The following PHC2 variants were observed in gnomAD, a reference collection of about 807,000 sequenced individuals.
The protein encoded by PHC2 is polyhomeotic-like protein 2.
PHC2 carries 29 observed loss-of-function variants against 87.4 expected under a neutral mutation model. The ratio of observed to expected loss-of-function variants is 0.33; its 90% CI spans 0.25 to 0.45. PHC2 has a LOEUF of 0.45. PHC2 is among the 20% of genes least tolerant of loss of function. The pLI is 1.00. For missense variants in PHC2, 857 were observed against 1,136.7 expected, an observed-to-expected ratio of 0.75 and a Z score of 3.54; for synonymous variants, 438 against 461.7, an observed-to-expected ratio of 0.95 and a Z score of 0.66.
chr1:33,369,268 G>A lies in PHC2; in HGVS notation c.577-646C>T, dbSNP rs766854134. On this transcript the variant is annotated intron_variant, in intron 5 of 14. Transcript: ENST00000683057. The surrounding 1 kb of genome is among the most constrained non-coding windows in gnomAD (Gnocchi z 4.7). ...TTCTCTGCATGACACCTCGACCTCC[G>A]TGGGAGTCTAGCTCTGCATCAGTGT... Among the ~76,000 whole-genome samples, 4 of 152,204 alleles carry A rather than the reference G, an allele frequency of 2.6e-5. No homozygotes were observed. Among genetic ancestry groups the A allele is most frequent in the African/African-American group, 9.7e-5 (4 of 41,438 alleles).
intron 7 of PHC2, among the ~76,000 whole-genome samples, chr1:33,357,524 T>G (rs1020566097): frequency 2.0e-5 from 3 of 152,102 alleles, no homozygotes; most frequent in Non-Finnish European, 2.9e-5. Flanking sequence ...AGGGGTTTAG[T>G]ATGGATGATA....
chr1:33,373,586 A>G (rs1186114714), intron 2 of PHC2, among the ~76,000 whole-genome samples: 1 of 152,112 alleles, frequency 6.6e-6, no homozygotes, highest in Non-Finnish European at 1.5e-5. Context: ...CCAGGAACAA[A>G]GAACAGCGAG....
intron 1 of PHC2, among the ~76,000 whole-genome samples, chr1:33,385,297 C>T (rs1648684549): frequency 6.6e-6 from 1 of 152,142 alleles, no homozygotes; most frequent in African/African-American, 2.4e-5. Context: ...AATGAAACAA[C>T]ATAAATAGGA....
chr1:33,401,739 T>C (rs1472391949), intron 1 of PHC2, among the ~76,000 whole-genome samples: 1 of 152,198 alleles, frequency 6.6e-6, no homozygotes, highest in African/African-American at 2.4e-5. Flanking sequence ...ATATGACAGA[T>C]GGGTTTATCA....
intron 12 of PHC2, 21 bp from the exon 13 acceptor site, chr1:33,330,233 G>A: frequency 6.2e-7 from 1 of 1,611,158 alleles, no homozygotes; most frequent in South Asian, 1.1e-5. Context: ...AGGGGAACAG[G>A]GGATGTCACA....
At position 33,393,463 on chromosome 1, in the gene PHC2, G is replaced by GTTT. The variant is rs36030279; in HGVS notation, c.-54-17873_-54-17871dup. ...ATCACTTATAAGACCTTTTCAAGAG[G>GTTT]TTTTTTTTTTTTTTTTTTTCTTCCA... On this transcript the variant is annotated intron_variant, in intron 1 of 14. Coordinates refer to ENST00000683057, the MANE Select transcript of PHC2 (RefSeq NM_001385109.1). Among the ~76,000 whole-genome samples, 855 of 130,998 alleles carry GTTT rather than the reference G, an allele frequency of 6.5e-3. 11 individuals are homozygous for GTTT. The highest frequency in any genetic ancestry group is 0.019 in the East Asian group (83 of 4,388). The allele number at this position is 130,998 out of a possible 152,430, so 85.9% of individuals were successfully genotyped here.
intron 1 of PHC2, among the ~76,000 whole-genome samples, chr1:33,430,329 C>T (rs1033615787): frequency 6.6e-6 from 1 of 152,204 alleles, no homozygotes; most frequent in Admixed American, 6.5e-5. Context: ...CCTTGGGGCC[C>T]GCTTTTCCTT....
chr1:33,380,846 C>T (rs150311377), intron 1 of PHC2, among the ~76,000 whole-genome samples: 14 of 152,298 alleles, frequency 9.2e-5, no homozygotes, highest in African/African-American at 3.4e-4. Context: ...ATGATCTGAC[C>T]CATTTTGCCT....
rs1038606735 is a variant in PHC2 at position 33,350,111 on chromosome 1, C to T, written c.1558+4290G>A. On this transcript the variant is annotated intron_variant, in intron 9 of 14. Coordinates refer to ENST00000683057, the MANE Select transcript of PHC2 (RefSeq NM_001385109.1). ...GGGCGCCACGCCACGAGGAGGCTGCCCTGATAGCCGGTGCAAGTGCTCCTT... is the reference window on the plus strand; with the variant it reads ...GGGCGCCACGCCACGAGGAGGCTGCTCTGATAGCCGGTGCAAGTGCTCCTT... Among the ~76,000 whole-genome samples, 4 of 152,072 alleles carry T rather than the reference C, an allele frequency of 2.6e-5. No homozygotes were observed. In the East Asian group the frequency reaches 7.8e-4, roughly 30 times the overall value.
Position 33,368,644 on chromosome 1 carries a change from G to T in PHC2, c.577-22C>A. ...TGAGCTGAGGGGACAAAGGAACAGT[G>T]CCGCCTAGGCTCCTAGCTACCTGCA... On this transcript the variant is annotated intron_variant, in intron 5 of 14. Transcript: ENST00000683057. This position sits in a 1 kb window ranked among gnomAD's most constrained non-coding sequence, Gnocchi z 6.6. 1 of 1,520,098 alleles carries T rather than the reference G, an allele frequency of 6.6e-7. No individual in the cohort carries two copies. The highest frequency in any genetic ancestry group is 8.9e-7 in the Non-Finnish European group (1 of 1,118,388). 94.2% of individuals were successfully genotyped at this position (1,520,098 alleles called of 1,614,324 possible).
chr1:33,427,669 T>C (rs1333615152), intron 1 of PHC2, among the ~76,000 whole-genome samples: 2 of 152,216 alleles, frequency 1.3e-5, no homozygotes, highest in East Asian at 1.9e-4. Context: ...ACTCTTTCTG[T>C]ACAATTTCAA....
intron 9 of PHC2, among the ~76,000 whole-genome samples, chr1:33,343,588 T>C (rs967386688): frequency 1.3e-5 from 2 of 151,870 alleles, no homozygotes; most frequent in Non-Finnish European, 2.9e-5. Flanking sequence ...GTCTTACATA[T>C]AGCTGTGGTG....
chr1:33,393,492 A>C (rs1164148287), intron 1 of PHC2, among the ~76,000 whole-genome samples: 2 of 147,402 alleles, frequency 1.4e-5, no homozygotes, highest in African/African-American at 5.0e-5. Context: ...TCTTCCAACA[A>C]GTACTGAGCA....
At chr1:33,410,418 A>T (rs1280610293) in intron 1 of PHC2, among the ~76,000 whole-genome samples, 1 of 152,234 alleles carries the variant, frequency 6.6e-6, no homozygotes, top group Non-Finnish European at 1.5e-5. Context: ...GGAACAGGTC[A>T]TGCTGCTTCT....
intron 9 of PHC2, chr1:33,347,063 A>C (rs975589748): frequency 3.0e-6 from 3 of 985,424 alleles, no homozygotes; most frequent in Non-Finnish European, 3.6e-6. Flanking sequence ...CAAGGGATCC[A>C]AAGTATCTGA....
intron 1 of PHC2, among the ~76,000 whole-genome samples, chr1:33,378,073 C>T (rs1175589287): frequency 6.6e-6 from 1 of 152,190 alleles, no homozygotes; most frequent in East Asian, 1.9e-4. Context: ...TGAATTAATT[C>T]CCTTTGTCCT....
intron 1 of PHC2, among the ~76,000 whole-genome samples, chr1:33,396,107 G>A (rs1381277362): frequency 6.6e-6 from 1 of 152,202 alleles, no homozygotes; most frequent in Non-Finnish European, 1.5e-5. Flanking sequence ...AACCTCAGTA[G>A]GTGTGACAGT....
At chr1:33,346,712 G>GTT (rs1646851310) in intron 9 of PHC2, 42 of 985,212 alleles carry the variant, frequency 4.3e-5, no homozygotes, top group Admixed American at 6.2e-5. Flanking sequence ...GAGGAGGTGG[G>GTT]GGAACTTTAC....
chr1:33,373,435 CCCTT>C (rs1487063681), intron 2 of PHC2, among the ~76,000 whole-genome samples: 1 of 151,660 alleles, frequency 6.6e-6, no homozygotes, highest in African/African-American at 2.4e-5. Context: ...TTAATTCTTT[CCCTT>C]CCTCTCTCTC....
Sources: allele counts gnomAD v4.1 joint callset (sites outside exome capture counted in the v4.1 genomes callset), GRCh38; gene constraint gnomAD v4.1.1; non-coding constraint Gnocchi (gnomAD v3.1); transcripts MANE v1.5; gene names NCBI Gene and HGNC (gene_info 2026-07-23, HGNC 2026-07-21).